The following UNC13C variants were observed in gnomAD, a reference collection of about 807,000 sequenced individuals.
UNC13C encodes protein unc-13 homolog C.
In UNC13C, 174 loss-of-function variants were observed where a neutral mutation model predicts 245.4. The observed-to-expected ratio is 0.71, with a 90% CI of 0.63 to 0.80. UNC13C has a LOEUF of 0.80. UNC13C is among the 30% of genes least tolerant of loss of function. UNC13C has a pLI of 0.00. For missense variants in UNC13C, 2,829 were observed against 2,602.9 expected, an observed-to-expected ratio of 1.09 and a Z score of -1.89; for synonymous variants, 992 against 895.1, an observed-to-expected ratio of 1.11 and a Z score of -1.93.
Position 53,979,055 on chromosome 15 carries a change from T to C in UNC13C, c.-257+128T>C, listed in dbSNP as rs1159996477. Among the ~76,000 whole-genome samples the C allele has an allele frequency of 2.6e-5, 4 of 152,182 alleles. No individual in the cohort carries two copies. In the South Asian group the frequency reaches 6.2e-4, roughly 24 times the overall value. ...TGGGGTTCTCTTAGCGTAGCAGATATATTTGTAAAATCTCGGCTCTCCTGT... is the reference window on the plus strand; with the variant it reads ...TGGGGTTCTCTTAGCGTAGCAGATACATTTGTAAAATCTCGGCTCTCCTGT... On this transcript the variant is annotated intron_variant, in intron 1 of 32. Coordinates refer to ENST00000260323, the MANE Select transcript of UNC13C (RefSeq NM_001080534.3).
intron 19 of UNC13C, among the ~76,000 whole-genome samples, chr15:54,440,220 C>A (rs541086446): frequency 6.6e-6 from 1 of 151,992 alleles, no homozygotes; most frequent in South Asian, 2.1e-4. Context: ...CCCCCTTCAC[C>A]CTCCATCATG....
Position 54,014,228 on chromosome 15 carries a change from A to T in UNC13C, c.1325A>T (p.Lys442Met), listed in dbSNP as rs368589502. The change falls in exon 2 of 33, where the codon AAG becomes ATG. Residue 442 changes from lysine (K) to methionine (M), a missense_variant. Lys to Met is a moderately conservative substitution (Grantham distance 95). Transcript: ENST00000260323. ...IKLSTPEPKI[K>M]KNNWQSPDDS... ...TTGTCTACTCCAGAGCCAAAAATCA[A>T]GAAGAACAATTGGCAGTCACCTGAT... is the stretch of plus-strand genomic sequence containing the variant. 6.2e-7 allele frequency: 1 copy of T among 1,613,862 alleles called. No individual in the cohort carries two copies. Among genetic ancestry groups the T allele is most frequent in the African/African-American group, 1.3e-5 (1 of 74,936 alleles).
chr15:54,404,637 G>A (rs1374126268), intron 18 of UNC13C, among the ~76,000 whole-genome samples: 1 of 151,398 alleles, frequency 6.6e-6, no homozygotes, highest in Admixed American at 6.6e-5. Flanking sequence ...GTGTGAGAAG[G>A]GTTAATTTAA....
At chr15:54,188,980 A>T (rs1042197373) in intron 4 of UNC13C, among the ~76,000 whole-genome samples, 1 of 152,132 alleles carries the variant, frequency 6.6e-6, no homozygotes, top group African/African-American at 2.4e-5. Flanking sequence ...TTTTGGTAAA[A>T]CCACATTAAA....
chr15:54,505,756 T>C (rs965981884), intron 22 of UNC13C, among the ~76,000 whole-genome samples: 2 of 151,046 alleles, frequency 1.3e-5, no homozygotes, highest in African/African-American at 4.9e-5. Context: ...TTTTTTTTTT[T>C]TTTTTTGAGA....
rs148711252 is a variant in UNC13C, at chr15:54,318,972, A to G, written c.4269-2967A>G. On this transcript the variant is annotated intron_variant, in intron 13 of 32. Transcript: ENST00000260323. ...TTGCTTCCTTAACCAAGCACCAAAAATCTCAAGGTGGCAGCTAAAAAAGTA... is the reference window on the plus strand; with the variant it reads ...TTGCTTCCTTAACCAAGCACCAAAAGTCTCAAGGTGGCAGCTAAAAAAGTA... Among the ~76,000 whole-genome samples, 907 of 151,990 alleles carry G rather than the reference A, an allele frequency of 6.0e-3. 10 individuals are homozygous for G. The highest frequency in any genetic ancestry group is 0.021 in the African/African-American group (852 of 41,498).
intron 17 of UNC13C, among the ~76,000 whole-genome samples, chr15:54,368,037 G>A (rs2039404556): frequency 3.3e-5 from 5 of 152,126 alleles, no homozygotes; most frequent in Admixed American, 3.3e-4. Context: ...TCACTAGGCT[G>A]AGACTTTCAG....
At chr15:54,403,762 G>GTT (rs1304615814) in intron 18 of UNC13C, among the ~76,000 whole-genome samples, 8 of 143,818 alleles carry the variant, frequency 5.6e-5, no homozygotes, top group East Asian at 4.1e-4. Context: ...TCCATTCACA[G>GTT]TTTTGTTTTT....
chr15:54,382,040 A>T (rs2140900854), intron 17 of UNC13C, among the ~76,000 whole-genome samples: 1 of 152,320 alleles, frequency 6.6e-6, no homozygotes, highest in South Asian at 2.1e-4. Context: ...AAATTATGTA[A>T]TGTATCTTCT....
At chr15:54,164,416 A>C (rs900339444) in intron 4 of UNC13C, among the ~76,000 whole-genome samples, 3 of 152,222 alleles carry the variant, frequency 2.0e-5, no homozygotes, top group African/African-American at 7.2e-5. Context: ...AATGTAAACC[A>C]AGTTAAAAAC....
intron 30 of UNC13C, among the ~76,000 whole-genome samples, chr15:54,605,496 C>T (rs1899721026): frequency 6.6e-6 from 1 of 152,138 alleles, no homozygotes; most frequent in Non-Finnish European, 1.5e-5. Context: ...TTAACCTTGG[C>T]TGCATATCAA....
intron 10 of UNC13C, among the ~76,000 whole-genome samples, chr15:54,273,387 T>C (rs149114022): frequency 6.6e-6 from 1 of 152,282 alleles, no homozygotes; most frequent in African/African-American, 2.4e-5. Context: ...TCCTCGCTTC[T>C]CTGCACACTG....
chr15:54,604,157 G>C (rs1014020860), intron 30 of UNC13C, among the ~76,000 whole-genome samples: 1 of 152,090 alleles, frequency 6.6e-6, no homozygotes, highest in African/African-American at 2.4e-5. Flanking sequence ...CAGTGGACTG[G>C]TTGGTTTCTG....
At chr15:54,525,748 AC>A in intron 25 of UNC13C, 111 bp downstream of exon 25, 1 of 858,642 alleles carries the variant, frequency 1.2e-6, no homozygotes. Context: ...TAACTTCAAG[AC>A]CCAATCTAAA....
At chr15:54,465,699 T>G (rs1417085128) in intron 19 of UNC13C, among the ~76,000 whole-genome samples, 1 of 151,974 alleles carries the variant, frequency 6.6e-6, no homozygotes, top group Non-Finnish European at 1.5e-5. Flanking sequence ...GGTCAAAGTG[T>G]GGCATTTTAA....
chr15:54,277,300 G>A (rs201172105), intron 10 of UNC13C, among the ~76,000 whole-genome samples: 1 of 152,144 alleles, frequency 6.6e-6, no homozygotes, highest in Non-Finnish European at 1.5e-5. Flanking sequence ...TGGACTGGGA[G>A]GGACAATAAA....
intron 8 of UNC13C, among the ~76,000 whole-genome samples, chr15:54,258,735 A>G (rs1235934956): frequency 6.6e-6 from 1 of 152,052 alleles, no homozygotes; most frequent in Non-Finnish European, 1.5e-5. Context: ...TACTTATTCC[A>G]TTACTATTAT....
At chr15:53,878,149 G>A in the UNC13C span, among the ~76,000 whole-genome samples, 2 of 152,024 alleles carry the variant, frequency 1.3e-5, no homozygotes, top group Non-Finnish European at 2.9e-5. Context: ...TTCAAACTTT[G>A]AGCAGGACAT....
chr15:54,545,708 C>T (rs1896454463), intron 26 of UNC13C, among the ~76,000 whole-genome samples: 1 of 152,022 alleles, frequency 6.6e-6, no homozygotes. Flanking sequence ...TGAAAAAAAG[C>T]TCATTATTAC....
Sources: gnomAD v4.1 joint callset for allele counts (sites outside exome capture counted in the v4.1 genomes callset) on GRCh38, gnomAD v4.1.1 for gene constraint, MANE v1.5 for transcripts, NCBI Gene and HGNC (gene_info 2026-07-23, HGNC 2026-07-21) for gene names.